The following BMP2K variants were observed in gnomAD, a reference collection of about 807,000 sequenced individuals.
BMP2K encodes the protein BMP-2-inducible protein kinase.
A neutral mutation model predicts 116.0 loss-of-function variants in BMP2K; 74 were observed. That is an observed-to-expected ratio of 0.64 (90% CI 0.53 to 0.77). BMP2K has a LOEUF of 0.77. BMP2K is among the 30% of genes least tolerant of loss of function. BMP2K has a pLI of 0.00. For synonymous variants in BMP2K, 486 were observed against 502.5 expected (o/e 0.97, Z 0.44); for missense variants, 1,365 against 1,403.6 (o/e 0.97, Z 0.44).
At chr4:78,896,053 C>T (rs1343285820) in intron 15 of BMP2K, among the ~76,000 whole-genome samples, 1 of 152,200 alleles carries the variant, frequency 6.6e-6, no homozygotes, top group Admixed American at 6.5e-5. Flanking sequence ...GCCATCCTGC[C>T]AAGTCCAAAT....
intron 13 of BMP2K, among the ~76,000 whole-genome samples, chr4:78,874,547 T>TA (rs1414370688): frequency 6.6e-6 from 1 of 152,156 alleles, no homozygotes; most frequent in Non-Finnish European, 1.5e-5. Context: ...CTAACTAGCA[T>TA]AAAAAATGTC....
At chr4:78,906,107 C>A (rs1023117439) in intron 15 of BMP2K, 1 of 152,048 alleles carries the variant, frequency 6.6e-6, no homozygotes, top group African/African-American at 2.4e-5. Flanking sequence ...CAGAAACTTA[C>A]CTTGGATTGT....
chr4:78,909,485 C>CA (rs1437872401), intron 15 of BMP2K, among the ~76,000 whole-genome samples: 1 of 152,146 alleles, frequency 6.6e-6, no homozygotes, highest in Non-Finnish European at 1.5e-5. Flanking sequence ...AGAGGACCTT[C>CA]ACAGTCTGGC....
intron 3 of BMP2K, among the ~76,000 whole-genome samples, chr4:78,840,541 C>G (rs993680117): frequency 6.6e-6 from 1 of 151,992 alleles, no homozygotes; most frequent in Admixed American, 6.6e-5. Context: ...AAGTTGCAAC[C>G]GACGTTTAAA....
At chr4:78,815,964 A>G (rs576902136) in intron 1 of BMP2K, among the ~76,000 whole-genome samples, 1 of 152,330 alleles carries the variant, frequency 6.6e-6, no homozygotes, top group East Asian at 1.9e-4. Context: ...CACCAACAAC[A>G]AACATGTTTT....
intron 1 of BMP2K, among the ~76,000 whole-genome samples, chr4:78,818,602 A>G (rs1480064140): frequency 1.3e-5 from 2 of 152,198 alleles, no homozygotes; most frequent in Non-Finnish European, 2.9e-5. Context: ...TTTAGGTTTG[A>G]ATAACTTATT....
At chr4:78,792,896 A>C (rs1181045486) in intron 1 of BMP2K, among the ~76,000 whole-genome samples, 1 of 152,226 alleles carries the variant, frequency 6.6e-6, no homozygotes, top group Non-Finnish European at 1.5e-5. Flanking sequence ...AAAAGACTAT[A>C]AAATAGTCTT....
intron 15 of BMP2K, among the ~76,000 whole-genome samples, chr4:78,892,606 C>G (rs72862527): frequency 3.9e-5 from 6 of 152,230 alleles, no homozygotes; most frequent in African/African-American, 1.2e-4. Flanking sequence ...TACTCTTTCT[C>G]TAGCTTCTTA....
At chr4:78,831,068 A>G (rs533883999) in intron 2 of BMP2K, among the ~76,000 whole-genome samples, 129 of 152,304 alleles carry the variant, frequency 8.5e-4, no homozygotes, top group African/African-American at 2.9e-3. Flanking sequence ...CTAGCTTTTG[A>G]TTAAAACGAT....
chr4:78,815,529 T>C (rs190230187), intron 1 of BMP2K, among the ~76,000 whole-genome samples: 4 of 152,310 alleles, frequency 2.6e-5, no homozygotes, highest in East Asian at 1.9e-4. Context: ...GATTTTGATA[T>C]GTTGCATGGC....
At chr4:78,874,565 G>A (rs1253916337) in intron 13 of BMP2K, among the ~76,000 whole-genome samples, 1 of 152,052 alleles carries the variant, frequency 6.6e-6, no homozygotes. Flanking sequence ...GTCAAATCTA[G>A]TTTATTTAGT....
chr4:78,797,141 TAAACTC>T (rs1379496535), intron 1 of BMP2K, among the ~76,000 whole-genome samples: 1 of 152,176 alleles, frequency 6.6e-6, no homozygotes, highest in Non-Finnish European at 1.5e-5. Context: ...CAGTGCTTCT[TAAACTC>T]TAATAAGTAT....
intron 10 of BMP2K, among the ~76,000 whole-genome samples, chr4:78,866,251 C>T (rs576675864): frequency 6.6e-6 from 1 of 152,026 alleles, no homozygotes; most frequent in Non-Finnish European, 1.5e-5. Flanking sequence ...AAAATTTTTC[C>T]CCCCAAAGAA....
intron 7 of BMP2K, among the ~76,000 whole-genome samples, chr4:78,857,361 G>C (rs767096981): frequency 6.6e-6 from 1 of 152,044 alleles, no homozygotes; most frequent in Non-Finnish European, 1.5e-5. Context: ...GATAATATCA[G>C]TTCTACCTGC....
chr4:78,828,329 G>A (rs1362038207), intron 2 of BMP2K, among the ~76,000 whole-genome samples: 1 of 152,194 alleles, frequency 6.6e-6, no homozygotes, highest in African/African-American at 2.4e-5. Flanking sequence ...TAGGGTATGA[G>A]GTATGGGGGA....
chr4:78,787,382 A>T (rs951434122), intron 1 of BMP2K, among the ~76,000 whole-genome samples: 4 of 152,174 alleles, frequency 2.6e-5, no homozygotes, highest in South Asian at 4.1e-4. Flanking sequence ...TTATGGTTAT[A>T]TGTATAGTAC....
chr4:78,893,788 C>T (rs944133464), intron 15 of BMP2K, among the ~76,000 whole-genome samples: 4 of 152,182 alleles, frequency 2.6e-5, no homozygotes, highest in African/African-American at 9.7e-5. Flanking sequence ...TCGTCTTGAA[C>T]TCCTGGCCTC....
chr4:78,808,317 G>A (rs1360857093), intron 1 of BMP2K, among the ~76,000 whole-genome samples: 1 of 148,662 alleles, frequency 6.7e-6, no homozygotes, highest in Non-Finnish European at 1.5e-5. Flanking sequence ...CTAGACTGGA[G>A]TGCAGTGATG....
Position 78,914,153 on chromosome 4 carries a change from T to C in BMP2K, c.*2120T>C, listed in dbSNP as rs988334428. On this transcript the variant is annotated 3_prime_UTR_variant, in exon 16 of 16. Transcript: ENST00000502613. ...CTTGGTCTCTGCTAGACCTCATGAG[T>C]TTCATCATTTAGAAAAGGGGTAGAG... 2 of 152,030 alleles carry C rather than the reference T, an allele frequency of 1.3e-5. No homozygotes were observed. The highest frequency in any genetic ancestry group is 2.9e-5 in the Non-Finnish European group (2 of 67,936). The allele number at this position is 152,030 out of a possible 1,614,324, so 9.4% of individuals were successfully genotyped here. A position where few individuals can be genotyped will look rare whatever the true frequency, so the allele number is the denominator to read the frequency against.
Sources: gnomAD v4.1 joint callset for allele counts (sites outside exome capture counted in the v4.1 genomes callset) on GRCh38, gnomAD v4.1.1 for gene constraint, MANE v1.5 for transcripts, NCBI Gene and HGNC (gene_info 2026-07-23, HGNC 2026-07-21) for gene names.